TUB: variants seen among roughly 807,000 people sequenced by gnomAD.
TUB encodes TUB bipartite transcription factor, also known as tubby protein homolog.
In TUB, 33 loss-of-function variants were observed where a neutral mutation model predicts 59.7. The ratio of observed to expected loss-of-function variants is 0.55; its 90% CI spans 0.42 to 0.74. TUB has a LOEUF of 0.74. TUB is among the 30% of genes least tolerant of loss of function. TUB has a pLI of 0.00. For missense variants in TUB, 659 were observed against 672.0 expected, an observed-to-expected ratio of 0.98 and a Z score of 0.21; for synonymous variants, 293 against 256.4, an observed-to-expected ratio of 1.14 and a Z score of -1.36.
intron 1 of TUB, among the ~76,000 whole-genome samples, chr11:8,083,218 C>T (rs1943603881): frequency 6.6e-6 from 1 of 152,140 alleles, no homozygotes; most frequent in Non-Finnish European, 1.5e-5. Context: ...GAGTGGACTC[C>T]GGTGCTGTGG....
chr11:8,040,816 G>A (rs1373281379), intron 2 of TUB, among the ~76,000 whole-genome samples: 2 of 152,194 alleles, frequency 1.3e-5, no homozygotes, highest in African/African-American at 4.8e-5. Context: ...TGCAGCTGGT[G>A]TATTTTGAGT....
intron 1 of TUB, among the ~76,000 whole-genome samples, chr11:8,087,466 C>T (rs2133827356): frequency 6.6e-6 from 1 of 152,336 alleles, no homozygotes; most frequent in South Asian, 2.1e-4. Flanking sequence ...GTGGAGGTTG[C>T]ACAGGGGCCA....
intron 1 of TUB, among the ~76,000 whole-genome samples, chr11:8,083,619 C>T (rs1041161799): frequency 6.6e-6 from 1 of 152,220 alleles, no homozygotes. Context: ...CACCGCCACC[C>T]CTCCAATTCC....
chr11:8,093,185 T>C (rs1471242238), intron 3 of TUB, among the ~76,000 whole-genome samples: 2 of 151,786 alleles, frequency 1.3e-5, no homozygotes, highest in Non-Finnish European at 2.9e-5. Context: ...AGGCACAGCG[T>C]CCCTCGGGAG....
chr11:8,068,829 G>C (rs1943299636), intron 2 of TUB: 1 of 152,250 alleles, frequency 6.6e-6, no homozygotes, highest in African/African-American at 2.4e-5. Context: ...TCACAGGCCA[G>C]TGCCCTGTGT....
chr11:8,073,764 T>C (rs533404504), intron 2 of TUB, among the ~76,000 whole-genome samples: 1 of 152,314 alleles, frequency 6.6e-6, no homozygotes, highest in Non-Finnish European at 1.5e-5. Flanking sequence ...GAGCTGGGCT[T>C]AGATGCCCCC....
intron 1 of TUB, among the ~76,000 whole-genome samples, chr11:8,086,509 T>C (rs1157879918): frequency 6.6e-6 from 1 of 152,152 alleles, no homozygotes; most frequent in Non-Finnish European, 1.5e-5. Context: ...TTCTTTGTTA[T>C]TCACCAGGGA....
At chr11:8,039,723 C>T in intron 2 of TUB, 1 of 1,489,736 alleles carries the variant, frequency 6.7e-7, no homozygotes, top group Non-Finnish European at 9.0e-7. Context: ...GCGTGCCGGC[C>T]CTGGGAAAGG....
At chr11:8,039,885 A>G (rs1401414949) in intron 2 of TUB, among the ~76,000 whole-genome samples, 3 of 152,070 alleles carry the variant, frequency 2.0e-5, no homozygotes, top group Non-Finnish European at 4.4e-5. Flanking sequence ...GTGTGTGACT[A>G]TTGTGGCCTT....
In TUB at chr11:8,097,258, C is replaced by T; in HGVS notation, c.718C>T (p.Pro240Ser). 1.2e-6 allele frequency: 2 copies of T among 1,614,170 alleles called. No homozygotes were observed. The highest frequency in any genetic ancestry group is 1.3e-5 in the African/African-American group (1 of 75,040). The change falls in exon 7 of 12, where the codon CCA becomes TCA. Residue 240 changes from proline (P) to serine (S), a missense_variant. Transcript: ENST00000299506. ...AGCCTCAGCCCCTAGCCCAACAGCT[C>T]CAGAGCAACCAGTGGACGTTGAGGT... ...EAASAPSPTA[P>S]EQPVDVEVQD... is the part of the protein sequence containing the mutation.
intron 2 of TUB, among the ~76,000 whole-genome samples, chr11:8,059,669 T>C (rs1943084861): frequency 6.6e-6 from 1 of 151,868 alleles, no homozygotes; most frequent in Admixed American, 6.6e-5. Flanking sequence ...TAAGCCAGCC[T>C]GGAGGGGAGA....
intron 1 of TUB, 28 bp from the exon 2 acceptor site, chr11:8,089,582 C>A: frequency 6.2e-7 from 1 of 1,613,956 alleles, no homozygotes; most frequent in South Asian, 1.1e-5. Flanking sequence ...CACGGGCAAG[C>A]CCTGAAAACC....
chr11:8,057,009 G>C lies in TUB; in HGVS notation c.203+17317G>C, dbSNP rs979745316. 3.9e-5 allele frequency among the ~76,000 whole-genome samples: 6 copies of C among 152,234 alleles called. 1 individual carries two copies. Among genetic ancestry groups the C allele is most frequent in the Admixed American group, 3.9e-4 (6 of 15,284 alleles). On this transcript the variant is annotated intron_variant, in intron 2 of 12. Coordinates refer to the TUB transcript ENST00000305253. Reference sequence around the variant, plus strand: ...ACTGAGGCCCACAGAGTGGAAACAAGCTGGCTGGATCACACAGCAGGGTCT... The same window carrying C: ...ACTGAGGCCCACAGAGTGGAAACAACCTGGCTGGATCACACAGCAGGGTCT...
At chr11:8,064,403 G>A (rs991932902) in intron 2 of TUB, among the ~76,000 whole-genome samples, 12 of 152,282 alleles carry the variant, frequency 7.9e-5, no homozygotes, top group Admixed American at 5.2e-4. Context: ...TTTGGGGCTT[G>A]TAGTACACTT....
In TUB at chr11:8,030,310, A is replaced by G. The variant is rs1289695582; in HGVS notation, c.56+10952A>G. 2.0e-5 allele frequency among the ~76,000 whole-genome samples: 3 copies of G among 152,198 alleles called. No individual in the cohort carries two copies. In the East Asian group the frequency reaches 5.8e-4, roughly 29 times the overall value. On this transcript the variant is annotated intron_variant, in intron 1 of 11. Coordinates refer to the TUB transcript ENST00000534099. ...CCTACAGTCTGGAGAACAGTTGCCA[A>G]GTAGGGGCTCATGGGTATCTGTTGA... is the stretch of plus-strand genomic sequence containing the variant.
At chr11:8,074,926 T>G (rs990017588) in intron 2 of TUB, among the ~76,000 whole-genome samples, 1 of 151,748 alleles carries the variant, frequency 6.6e-6, no homozygotes, top group African/African-American at 2.4e-5. Flanking sequence ...TTTGTAATTT[T>G]AGTAGAGACG....
chr11:8,097,605 A>C, intron 7 of TUB, 109 bp from the exon 8 acceptor site: 1 of 1,299,922 alleles, frequency 7.7e-7, no homozygotes, highest in Non-Finnish European at 1.1e-6. Flanking sequence ...GTGTGCACAT[A>C]TGTGCGTTTG....
At chr11:8,020,320 G>A (rs1166398085) in intron 1 of TUB, among the ~76,000 whole-genome samples, 8 of 152,136 alleles carry the variant, frequency 5.3e-5, no homozygotes, top group Non-Finnish European at 1.2e-4. Flanking sequence ...TCATCTCCGT[G>A]AAGTCCTGCT....
At chr11:8,074,515 G>A (rs1943414064) in intron 2 of TUB, among the ~76,000 whole-genome samples, 1 of 151,812 alleles carries the variant, frequency 6.6e-6, no homozygotes, top group Non-Finnish European at 1.5e-5. Flanking sequence ...AGGCAGGAGG[G>A]TTGTTTGACT....
Sources: gnomAD v4.1 joint callset for allele counts (sites outside exome capture counted in the v4.1 genomes callset) on GRCh38, gnomAD v4.1.1 for gene constraint, MANE v1.5 for transcripts, NCBI Gene and HGNC (gene_info 2026-07-23, HGNC 2026-07-21) for gene names.